Variants in LAMA5 observed in about 807,000 individuals in gnomAD.
LAMA5 encodes laminin subunit alpha 5.
In LAMA5, 260 loss-of-function variants were observed where a neutral mutation model predicts 433.4. The ratio of observed to expected loss-of-function variants is 0.60; its 90% CI spans 0.54 to 0.66. LAMA5 has a LOEUF of 0.66. LAMA5 is among the 30% of genes least tolerant of loss of function. The pLI, the probability that LAMA5 is intolerant of heterozygous loss-of-function variation, is 0.00. For missense variants in LAMA5, 5,378 were observed against 5,258.5 expected, an observed-to-expected ratio of 1.02 and a Z score of -0.70; for synonymous variants, 2,620 against 2,226.6, an observed-to-expected ratio of 1.18 and a Z score of -4.97.
At chr20:62,332,310 G>A (rs1012964234) in intron 28 of LAMA5, 62 bp downstream of exon 28, 4 of 1,204,914 alleles carry the variant, frequency 3.3e-6, no homozygotes, top group East Asian at 2.4e-5. Context: ...CCCCTCTCAT[G>A]CATGTTTCAA....
intron 45 of LAMA5, 65 bp downstream of exon 45, chr20:62,323,391 C>T (rs1199990124): frequency 5.3e-6 from 7 of 1,323,016 alleles, no homozygotes; most frequent in African/African-American, 1.5e-5. Flanking sequence ...GGGGTACGCC[C>T]AGCAGGCCTC....
At chr20:62,326,542 G>T in intron 40 of LAMA5, 135 bp downstream of exon 40, 1 of 681,414 alleles carries the variant, frequency 1.5e-6, no homozygotes, top group Non-Finnish European at 2.5e-6. Flanking sequence ...GACCTCCCCA[G>T]CCCCCACCCC....
At chr20:62,319,245 A>C in intron 51 of LAMA5, 1 of 560,920 alleles carries the variant, frequency 1.8e-6, no homozygotes, top group South Asian at 2.3e-5. Context: ...CTGCTCAGCC[A>C]GCTTCTGAGC....
Position 62,322,322 on chromosome 20 carries a change from T to G in LAMA5, c.6293A>C (p.Gln2098Pro), listed in dbSNP as rs1343485567. The change falls in exon 47 of 80, where the codon CAG (glutamine) becomes CCG (proline). Residue 2098 changes from glutamine (Q) to proline (P), a missense_variant. Transcript: ENST00000252999. ...GTAGCCAGGGGCACACTCGCGGCAC[T>G]GGGGTCCCATGGTCCCTGGTCGGCA... ...CHCRPGTMGP[Q>P]CRECAPGYWG... The G allele has an allele frequency of 1.1e-5, 17 of 1,599,734 alleles. No individual in the cohort carries two copies. The highest frequency in any genetic ancestry group is 1.6e-4 in the Middle Eastern group (1 of 6,066).
At chr20:62,361,952 G>A (rs1251010251) in intron 2 of LAMA5, among the ~76,000 whole-genome samples, 1 of 152,150 alleles carries the variant, frequency 6.6e-6, no homozygotes, top group African/African-American at 2.4e-5. Flanking sequence ...CTCAGTGGCC[G>A]CCACCTCGGC....
rs1316823271 is a variant in LAMA5, at chr20:62,352,265, T to C, written c.664A>G (p.Ile222Val). The C allele has an allele frequency of 1.3e-6, 2 of 1,599,608 alleles. No homozygotes were observed. Among genetic ancestry groups the C allele is most frequent in the Non-Finnish European group, 1.7e-6 (2 of 1,179,596 alleles). ...AAICTTEYSRIVPLENGEIVV... is the reference protein window; with the variant it reads ...AAICTTEYSRVVPLENGEIVV... ...ACCTCTCCGTTCTCCAGGGGCACGATGCGTGAGTACTCGGTGGTGCAGATG... is the reference window on the plus strand; with the variant it reads ...ACCTCTCCGTTCTCCAGGGGCACGACGCGTGAGTACTCGGTGGTGCAGATG... The change falls in exon 4 of 80, where the codon ATC (isoleucine) becomes GTC (valine). Residue 222 changes from isoleucine to valine, a missense_variant. Transcript: ENST00000252999.
chr20:62,315,107 A>G lies in LAMA5; in HGVS notation c.7968T>C (p.Asn2656=), dbSNP rs747036037. 36 of 1,607,342 alleles carry G rather than the reference A, an allele frequency of 2.2e-5. 1 individual carries two copies. The East Asian group carries it at 3.8e-4, about 17-fold the overall frequency. The change falls in exon 59 of 80, where the codon AAT becomes AAC. Residue 2656 remains asparagine, a synonymous_variant. Coordinates refer to ENST00000252999, the MANE Select transcript of LAMA5 (RefSeq NM_005560.6). ...VQSQLQAMQE[N]VERWQGQYEG... is the part of the protein sequence containing the mutation. ...CGTACTGGCCCTGCCACCGCTCCAC[A>G]TTCTCCTGCATGGCCTGCAGCTGGG...
Position 62,334,582 on chromosome 20 carries a change from C to T in LAMA5, c.2522G>A (p.Cys841Tyr). The T allele has an allele frequency of 6.5e-7, 1 of 1,548,410 alleles. No individual in the cohort carries two copies. Reference protein sequence around the residue: ...CDIGGALGQSCEPRTGVCRCR... With the variant: ...CDIGGALGQSYEPRTGVCRCR... ...CCGGCAGACGCCCGTCCTCGGTTCA[C>T]AGCTCTGGCCCAGTGCACCGCCAAT... The change falls in exon 21 of 80, where the codon TGT (cysteine) becomes TAT (tyrosine). Residue 841 changes from cysteine (C) to tyrosine (Y), a missense_variant. Transcript: ENST00000252999.
At chr20:62,321,964 G>A in intron 48 of LAMA5, 55 bp downstream of exon 48, 1 of 1,540,350 alleles carries the variant, frequency 6.5e-7, no homozygotes, top group Non-Finnish European at 8.9e-7. Flanking sequence ...CAGGCTGTGT[G>A]GGACTTGGAT....
At chr20:62,344,372 G>A (rs1340568341) in intron 11 of LAMA5, among the ~76,000 whole-genome samples, 1 of 152,088 alleles carries the variant, frequency 6.6e-6, no homozygotes, top group Admixed American at 6.6e-5. Flanking sequence ...AGCCAAGAGT[G>A]ATAGACTGCT....
chr20:62,311,816 T>TGGGCCCCCCCCCCC, intron 70 of LAMA5, 32 bp from the exon 71 acceptor site: 11 of 1,520,912 alleles, frequency 7.2e-6, no homozygotes, highest in Non-Finnish European at 9.8e-6. Context: ...GCTCGGTTTT[T>TGGGCCCCCCCCCCC]CCCCACCCTG....
Position 62,310,004 on chromosome 20 carries a change from C to A in LAMA5, c.10812G>T (p.Gln3604His), listed in dbSNP as rs1363322227. ...VTRPSVLCDG[Q>H]WHRLAVMKSG... The stretch of plus-strand genomic sequence containing the variant: ...GGGCCTCACCCGCTAGCCGGTGCCA[C>A]TGGCCATCACACAGCACTGAGGGGC... Residue 3604 changes from glutamine to histidine, a missense_variant, in exon 78 of 80, where the codon CAG (glutamine) becomes CAT (histidine). By Grantham distance (24) the Gln-to-His change is conservative. Coordinates refer to ENST00000252999, the MANE Select transcript of LAMA5 (RefSeq NM_005560.6). 6.2e-7 allele frequency: 1 copy of A among 1,611,216 alleles called. No homozygotes were observed. Among genetic ancestry groups the A allele is most frequent in the Admixed American group, 1.7e-5 (1 of 59,990 alleles).
rs761456977 is a variant in LAMA5 at position 62,327,255 on chromosome 20, G to T, written c.5090C>A (p.Pro1697Gln). 1 of 1,528,184 alleles carries T rather than the reference G, an allele frequency of 6.5e-7. No homozygotes were observed. Among genetic ancestry groups the T allele is most frequent in the Non-Finnish European group, 8.8e-7 (1 of 1,139,432 alleles). 94.7% of individuals were successfully genotyped at this position (1,528,184 alleles called of 1,614,324 possible). Residue 1697 changes from proline to glutamine, a missense_variant, in exon 38 of 80, where the codon CCA becomes CAA. Pro to Gln is a moderately conservative substitution (Grantham distance 76, BLOSUM62 -1). Transcript: ENST00000252999. ...EAFPELYWQA[P>Q]PSYLGDRVSS... ...TACCCGGTCCCCCAGGTAGGAGGGT[G>T]GGGCCTGCCAGTACAGCTCGGGGAA...
intron 11 of LAMA5, chr20:62,345,547 C>T: frequency 5.0e-6 from 3 of 600,202 alleles, no homozygotes; most frequent in Non-Finnish European, 9.2e-6. Context: ...GCTCGAACTA[C>T]AGGCACACAT....
rs1293204505 is a variant in LAMA5, at chr20:62,342,258, G to A, written c.1477+3560C>T. 1.2e-5 allele frequency: 4 copies of A among 325,812 alleles called. 1 individual carries two copies. The highest frequency in any genetic ancestry group is 4.4e-5 in the South Asian group (2 of 45,870). The allele number at this position is 325,812 out of a possible 1,614,324, so 20.2% of individuals were successfully genotyped here. A position where few individuals can be genotyped will look rare whatever the true frequency, so the allele number is the denominator to read the frequency against. On this transcript the variant is annotated intron_variant, in intron 11 of 79. Coordinates refer to ENST00000252999, the MANE Select transcript of LAMA5 (RefSeq NM_005560.6). ...GCAGAGGTTGAAGTGAGCCGAGATC[G>A]TGCAACTGCACTCCAGCCTGGACGA...
In LAMA5 at chr20:62,322,389, C is replaced by A. The variant is rs368328748; in HGVS notation, c.6226G>T (p.Ala2076Ser). 53 of 1,591,754 alleles carry A rather than the reference C, an allele frequency of 3.3e-5. No individual in the cohort carries two copies. The Middle Eastern group carries it at 6.6e-4, about 20-fold the overall frequency. The change falls in exon 47 of 80, where the codon GCC (alanine) becomes TCC (serine). Residue 2076 changes from alanine (A) to serine (S), a missense_variant. Physicochemically the swap from Ala to Ser is moderately conservative, Grantham distance 99. Transcript: ENST00000252999. ...GCRPCACGPA[A>S]EGSECHPQSG... ...TGGGGGTGGCACTCGGAGCCCTCGG[C>A]GGCCGGTCCACAAGCACACGGGCGG...
intron 1 of LAMA5, among the ~76,000 whole-genome samples, chr20:62,365,638 C>G (rs868483486): frequency 1.3e-5 from 2 of 152,082 alleles, no homozygotes; most frequent in African/African-American, 2.4e-5. Flanking sequence ...ACAGGCCCTC[C>G]GTCCTGAGAC....
At chr20:62,351,361 T>G in intron 6 of LAMA5, 2 of 439,990 alleles carry the variant, frequency 4.5e-6, no homozygotes, top group Non-Finnish European at 8.3e-6. Flanking sequence ...ATCATCCCCA[T>G]TGCTGACTCC....
intron 11 of LAMA5, among the ~76,000 whole-genome samples, chr20:62,339,602 T>G (rs1982269483): frequency 8.3e-6 from 1 of 120,320 alleles, no homozygotes; most frequent in Admixed American, 9.5e-5. Flanking sequence ...AAAGGAGGGT[T>G]GTGAGCACGC....
Sources: allele counts gnomAD v4.1 joint callset (sites outside exome capture counted in the v4.1 genomes callset), GRCh38; gene constraint gnomAD v4.1.1; transcripts MANE v1.5; gene names NCBI Gene and HGNC (gene_info 2026-07-23, HGNC 2026-07-21).